WAPL: variants seen among roughly 807,000 people sequenced by gnomAD.
WAPL encodes wings apart-like protein homolog.
WAPL carries 5 observed loss-of-function variants against 121.0 expected under a neutral mutation model. That is an observed-to-expected ratio of 0.04 (90% CI 0.02 to 0.09). WAPL has a LOEUF of 0.09. WAPL is among the 10% of genes least tolerant of loss of function. The probability of loss-of-function intolerance (pLI) is 1.00; values close to 1 mark genes in which losing one functional copy is unlikely to be tolerated. For synonymous variants in WAPL, 480 were observed against 481.5 expected, an observed-to-expected ratio of 1.00 and a Z score of 0.04; for missense variants, 999 against 1,410.8, an observed-to-expected ratio of 0.71 and a Z score of 4.68.
chr10:86,451,646 G>A (rs767147853), intron 15 of WAPL, among the ~76,000 whole-genome samples: 4 of 152,148 alleles, frequency 2.6e-5, no homozygotes, highest in Non-Finnish European at 5.9e-5. Context: ...ACTTGCCTCA[G>A]CCTCCCAAAG....
chr10:86,486,502 T>C (rs1287921768), intron 4 of WAPL, among the ~76,000 whole-genome samples: 1 of 152,252 alleles, frequency 6.6e-6, no homozygotes, highest in African/African-American at 2.4e-5. Flanking sequence ...TATGTAACCA[T>C]GATTTATACT....
intron 2 of WAPL, among the ~76,000 whole-genome samples, chr10:86,515,131 G>C (rs954203161): frequency 6.6e-6 from 1 of 151,896 alleles, no homozygotes; most frequent in Non-Finnish European, 1.5e-5. Flanking sequence ...ATGGTGGCAG[G>C]TGCCTAAAAT....
At chr10:86,446,853 G>C (rs760901304) in intron 15 of WAPL, among the ~76,000 whole-genome samples, 8 of 152,108 alleles carry the variant, frequency 5.3e-5, no homozygotes, top group Non-Finnish European at 1.0e-4. Context: ...GACACAATTT[G>C]GGAAATGCTC....
At chr10:86,455,154 C>A (rs1589500244) in intron 12 of WAPL, among the ~76,000 whole-genome samples, 1 of 147,246 alleles carries the variant, frequency 6.8e-6, no homozygotes, top group Non-Finnish European at 1.5e-5. Context: ...GTGAGGAGCC[C>A]CTCTGCCCGG....
chr10:86,512,824 T>A (rs1200353057), intron 2 of WAPL, among the ~76,000 whole-genome samples: 4 of 151,804 alleles, frequency 2.6e-5, no homozygotes, highest in African/African-American at 4.8e-5. Flanking sequence ...GATACAACTA[T>A]TGGAGGTGGA....
At chr10:86,466,473 G>T (rs1164661709) in intron 9 of WAPL, among the ~76,000 whole-genome samples, 4 of 152,102 alleles carry the variant, frequency 2.6e-5, no homozygotes, top group African/African-American at 9.7e-5. Flanking sequence ...GGGGGGCTGA[G>T]GTGGGAGGAT....
At chr10:86,513,768 C>T (rs1461165341) in intron 2 of WAPL, among the ~76,000 whole-genome samples, 1 of 152,124 alleles carries the variant, frequency 6.6e-6, no homozygotes, top group African/African-American at 2.4e-5. Context: ...CTGGATAAGC[C>T]CTTTTCACTG....
At chr10:86,443,731 TG>T (rs749808521) in intron 16 of WAPL, 53 of 187,340 alleles carry the variant, frequency 2.8e-4, no homozygotes, top group South Asian at 1.0e-3. Context: ...CAATTAAAAC[TG>T]GGCAAAGGGC....
At chr10:86,504,719 C>G (rs879499465) in intron 2 of WAPL, among the ~76,000 whole-genome samples, 1 of 151,798 alleles carries the variant, frequency 6.6e-6, no homozygotes, top group Non-Finnish European at 1.5e-5. Context: ...CTAGAGCTAC[C>G]CAGGGCACTG....
At chr10:86,469,801 T>C (rs1841494698) in intron 8 of WAPL, among the ~76,000 whole-genome samples, 1 of 152,176 alleles carries the variant, frequency 6.6e-6, no homozygotes, top group Non-Finnish European at 1.5e-5. Context: ...TTAGGATGCA[T>C]TGTAAAGGCC....
intron 4 of WAPL, among the ~76,000 whole-genome samples, chr10:86,489,562 A>G (rs959328795): frequency 2.6e-5 from 4 of 152,226 alleles, no homozygotes; most frequent in African/African-American, 9.6e-5. Context: ...CAATGTCCAA[A>G]GACATTTTGG....
chr10:86,504,694 T>C (rs190680674), intron 2 of WAPL, among the ~76,000 whole-genome samples: 80 of 151,248 alleles, frequency 5.3e-4, no homozygotes, highest in African/African-American at 1.6e-3. Flanking sequence ...TAGCAGTACG[T>C]GCTTATAGTC....
intron 9 of WAPL, among the ~76,000 whole-genome samples, chr10:86,466,468 G>A (rs978884071): frequency 1.3e-5 from 2 of 152,172 alleles, no homozygotes; most frequent in African/African-American, 2.4e-5. Context: ...TACTTGGGGG[G>A]CTGAGGTGGG....
intron 1 of WAPL, among the ~76,000 whole-genome samples, chr10:86,520,082 G>A (rs924270741): frequency 1.3e-5 from 2 of 152,234 alleles, no homozygotes; most frequent in African/African-American, 4.8e-5. Flanking sequence ...GATCACCTGA[G>A]GCCAGGAGTT....
At chr10:86,457,924 G>T (rs1245032141) in intron 12 of WAPL, among the ~76,000 whole-genome samples, 2 of 152,148 alleles carry the variant, frequency 1.3e-5, no homozygotes, top group African/African-American at 4.8e-5. Context: ...ATCTGGATCT[G>T]TTTCAAATAA....
intron 3 of WAPL, among the ~76,000 whole-genome samples, chr10:86,497,999 C>G (rs1020632473): frequency 2.6e-5 from 4 of 152,172 alleles, no homozygotes; most frequent in Non-Finnish European, 5.9e-5. Flanking sequence ...AAATTTTTTG[C>G]TGTTTCACTT....
At chr10:86,511,803 C>A (rs1178035086) in intron 2 of WAPL, among the ~76,000 whole-genome samples, 1 of 152,012 alleles carries the variant, frequency 6.6e-6, no homozygotes, top group Non-Finnish European at 1.5e-5. Flanking sequence ...TGGTGGTGAA[C>A]CATTGTACTC....
At chr10:86,486,343 G>A (rs1841930744) in intron 4 of WAPL, among the ~76,000 whole-genome samples, 1 of 152,144 alleles carries the variant, frequency 6.6e-6, no homozygotes, top group Non-Finnish European at 1.5e-5. Flanking sequence ...GTCCTTTAAA[G>A]TCTCTTCAAT....
chr10:86,477,185 C>G (rs1205735332), intron 4 of WAPL, among the ~76,000 whole-genome samples: 1 of 152,004 alleles, frequency 6.6e-6, no homozygotes, highest in Admixed American at 6.6e-5. Context: ...ACACATATGG[C>G]AGGGAGAGGA....
Sources: allele counts gnomAD v4.1 joint callset (sites outside exome capture counted in the v4.1 genomes callset), GRCh38; gene constraint gnomAD v4.1.1; transcripts MANE v1.5; gene names NCBI Gene and HGNC (gene_info 2026-07-23, HGNC 2026-07-21).